The following MMP26 variants were observed in gnomAD, a reference collection of about 807,000 sequenced individuals.
The protein encoded by MMP26 is matrix metallopeptidase 26, also known as matrix metalloproteinase-26.
Under a neutral mutation model 31.0 loss-of-function variants are expected in MMP26, and 33 were observed. The ratio of observed to expected loss-of-function variants is 1.06; its 90% CI spans 0.81 to 1.42. MMP26 has a LOEUF of 1.42. MMP26 is among the 40% of genes most tolerant of loss of function. MMP26 has a pLI of 0.00. For missense variants in MMP26, 347 were observed against 316.1 expected (o/e 1.10, Z -0.74); for synonymous variants, 122 against 114.9 (o/e 1.06, Z -0.40).
chr11:4,725,479 A>G (rs1458469197), intron 1 of MMP26, among the ~76,000 whole-genome samples: 2 of 152,212 alleles, frequency 1.3e-5, no homozygotes, highest in Admixed American at 1.3e-4. Flanking sequence ...AAGAACTGCC[A>G]GCTTTTGTTG....
intron 2 of MMP26, among the ~76,000 whole-genome samples, chr11:4,968,720 C>T (rs1176741582): frequency 1.3e-5 from 2 of 151,786 alleles, no homozygotes; most frequent in East Asian, 1.9e-4. Flanking sequence ...TCATTTTTGT[C>T]TTGCATCTGT....
Position 4,992,133 on chromosome 11 carries a change from C to T in MMP26, c.757+8C>T. 1 of 1,613,138 alleles carries T rather than the reference C, an allele frequency of 6.2e-7. No homozygotes were observed. The highest frequency in any genetic ancestry group is 8.5e-7 in the Non-Finnish European group (1 of 1,179,692). ...GGATCCAGCATTTGTATGGTCTGTG[C>T]TGCTTAAGGAAGAGAAGGGAGATCT... On this transcript the variant is annotated splice_region_variant and intron_variant, in intron 7 of 7. Transcript: ENST00000380390.
At position 4,954,923 on chromosome 11, in the gene MMP26, C is replaced by A. The variant is rs61744535; in HGVS notation, c.-144-33145C>A. The A allele has an allele frequency of 1.6e-4, 192 of 1,176,746 alleles. 52 individuals carry two copies. The highest frequency in any genetic ancestry group is 2.2e-4 in the Non-Finnish European group (186 of 827,236). 72.9% of individuals were successfully genotyped at this position (1,176,746 alleles called of 1,614,324 possible). ...GAGGGGAGAGACATGCCCGGCAAAGCGGTGGACAACGGCCAGGTTGATGAT... is the reference window on the plus strand; with the variant it reads ...GAGGGGAGAGACATGCCCGGCAAAGAGGTGGACAACGGCCAGGTTGATGAT... On this transcript the variant is annotated intron_variant, in intron 2 of 7. Transcript: ENST00000380390.
chr11:4,977,359 T>C (rs1846752002), intron 2 of MMP26, among the ~76,000 whole-genome samples: 2 of 152,132 alleles, frequency 1.3e-5, no homozygotes, highest in Admixed American at 6.6e-5. Flanking sequence ...AGGGCTAAAA[T>C]GATCCCACTT....
intron 2 of MMP26, among the ~76,000 whole-genome samples, chr11:4,779,490 A>C (rs553140095): frequency 6.6e-6 from 1 of 152,166 alleles, no homozygotes; most frequent in Non-Finnish European, 1.5e-5. Flanking sequence ...TGGACTCACA[A>C]AATAAGTTGG....
intron 2 of MMP26, among the ~76,000 whole-genome samples, chr11:4,878,943 GA>G (rs141845739): frequency 0.012 from 1,830 of 152,168 alleles, 39 homozygotes; most frequent in African/African-American, 0.042. Flanking sequence ...AATGTTTCAA[GA>G]AACAAAAAGG....
chr11:4,782,444 C>T (rs1848877543), intron 2 of MMP26, among the ~76,000 whole-genome samples: 1 of 152,126 alleles, frequency 6.6e-6, no homozygotes, highest in African/African-American at 2.4e-5. Context: ...AATTTCTAAG[C>T]AGCAAAGCAT....
At chr11:4,900,367 A>C (rs1471399038) in intron 2 of MMP26, among the ~76,000 whole-genome samples, 2 of 152,240 alleles carry the variant, frequency 1.3e-5, no homozygotes, top group African/African-American at 4.8e-5. Context: ...GTGGGGTAGA[A>C]TAATCTTCCA....
intron 2 of MMP26, chr11:4,923,508 T>G (rs761695826): frequency 3.7e-6 from 6 of 1,613,958 alleles, no homozygotes; most frequent in Non-Finnish European, 5.1e-6. Flanking sequence ...ACATAGGACA[T>G]GAAGAGGTGT....
At chr11:4,931,176 T>C (rs1163092650) in intron 2 of MMP26, among the ~76,000 whole-genome samples, 1 of 152,100 alleles carries the variant, frequency 6.6e-6, no homozygotes, top group Non-Finnish European at 1.5e-5. Flanking sequence ...TGATATTCTA[T>C]GACTGGATGA....
chr11:4,856,620 A>G (rs1589920857), intron 2 of MMP26, among the ~76,000 whole-genome samples: 1 of 152,142 alleles, frequency 6.6e-6, no homozygotes, highest in African/African-American at 2.4e-5. Flanking sequence ...CACAATAATA[A>G]TGGGAGGGTT....
intron 2 of MMP26, chr11:4,943,455 T>C (rs765909495): frequency 2.2e-6 from 1 of 456,206 alleles, no homozygotes; most frequent in South Asian, 1.5e-5. Flanking sequence ...GGCTTAATCA[T>C]TTGTTATTTG....
At chr11:4,972,303 G>A (rs1390149972) in intron 2 of MMP26, among the ~76,000 whole-genome samples, 2 of 152,156 alleles carry the variant, frequency 1.3e-5, no homozygotes, top group Non-Finnish European at 2.9e-5. Context: ...AGAGGAGATA[G>A]TCTTTGTCAT....
At chr11:4,798,565 C>T (rs1280317102) in intron 2 of MMP26, among the ~76,000 whole-genome samples, 3 of 152,202 alleles carry the variant, frequency 2.0e-5, no homozygotes, top group Admixed American at 2.0e-4. Flanking sequence ...GATGCCTGCA[C>T]TCTGCTAGGA....
intron 2 of MMP26, chr11:4,923,481 G>A (rs759750519): frequency 3.7e-6 from 6 of 1,614,046 alleles, no homozygotes; most frequent in South Asian, 1.1e-5. Flanking sequence ...TTCATAAGGG[G>A]TGGTACCAGC....
intron 2 of MMP26, among the ~76,000 whole-genome samples, chr11:4,961,426 C>G (rs935003802): frequency 6.6e-6 from 1 of 152,164 alleles, no homozygotes; most frequent in African/African-American, 2.4e-5. Context: ...CACTGATCTC[C>G]TCTGGAAATA....
chr11:4,893,782 A>T (rs1347274), intron 2 of MMP26, among the ~76,000 whole-genome samples: 45,968 of 151,964 alleles, frequency 0.3, 8,042 homozygotes, highest in Non-Finnish European at 0.39. Flanking sequence ...TTCTGTATTT[A>T]TAAAATGTAT....
intron 2 of MMP26, chr11:4,860,748 C>G: frequency 3.6e-6 from 1 of 276,216 alleles, no homozygotes; most frequent in Non-Finnish European, 7.1e-6. Context: ...CCTTCCTACA[C>G]AGTCACATGT....
chr11:4,764,153 A>G (rs1396238762), intron 1 of MMP26, among the ~76,000 whole-genome samples: 1 of 152,188 alleles, frequency 6.6e-6, no homozygotes, highest in Non-Finnish European at 1.5e-5. Context: ...CCATAATTTT[A>G]TGTAACTGTT....
Sources: gnomAD v4.1 joint callset for allele counts (sites outside exome capture counted in the v4.1 genomes callset) on GRCh38, gnomAD v4.1.1 for gene constraint, MANE v1.5 for transcripts, NCBI Gene and HGNC (gene_info 2026-07-23, HGNC 2026-07-21) for gene names.